Variants in CYRIB observed in about 807,000 individuals in gnomAD.
CYRIB encodes the protein CYFIP-related Rac1 interactor B.
Under a neutral mutation model 44.2 loss-of-function variants are expected in CYRIB, and 8 were observed. That is an observed-to-expected ratio of 0.18 (90% CI 0.11 to 0.33). The LOEUF (loss-of-function observed/expected upper bound fraction) is 0.33, where lower values mean the gene tolerates loss of function less well. CYRIB is among the 10% of genes least tolerant of loss of function. CYRIB has a pLI of 1.00. For synonymous variants in CYRIB, 131 were observed against 127.2 expected, an observed-to-expected ratio of 1.03 and a Z score of -0.20; for missense variants, 185 against 382.8, an observed-to-expected ratio of 0.48 and a Z score of 4.31.
intron 2 of CYRIB, among the ~76,000 whole-genome samples, chr8:129,883,941 C>T (rs2061736139): frequency 6.6e-6 from 1 of 152,180 alleles, no homozygotes; most frequent in South Asian, 2.1e-4. Flanking sequence ...TAACTAGGGG[C>T]TCTGTTCCCA....
chr8:129,891,845 T>G (rs2065559756), intron 2 of CYRIB, among the ~76,000 whole-genome samples: 1 of 152,202 alleles, frequency 6.6e-6, no homozygotes, highest in Admixed American at 6.5e-5. Flanking sequence ...CACTTAGACT[T>G]CATATTATAG....
chr8:129,845,616 T>C (rs980385053), intron 11 of CYRIB, among the ~76,000 whole-genome samples: 1 of 152,252 alleles, frequency 6.6e-6, no homozygotes, highest in Non-Finnish European at 1.5e-5. Flanking sequence ...AAAACTATTT[T>C]TAAACATTTT....
chr8:129,878,388 A>T (rs139395324), intron 3 of CYRIB, among the ~76,000 whole-genome samples: 308 of 152,344 alleles, frequency 2.0e-3, no homozygotes, highest in African/African-American at 6.7e-3. Flanking sequence ...TAAAAACTAA[A>T]TTGAAGTTGG....
chr8:129,999,338 TC>T (rs2133818981), intron 1 of CYRIB, among the ~76,000 whole-genome samples: 2 of 152,228 alleles, frequency 1.3e-5, no homozygotes, highest in East Asian at 3.9e-4. Flanking sequence ...CGTCTCGGGA[TC>T]CCTGTCCACA....
At chr8:129,959,579 A>T (rs184849242) in intron 2 of CYRIB, among the ~76,000 whole-genome samples, 2 of 152,140 alleles carry the variant, frequency 1.3e-5, no homozygotes, top group African/African-American at 4.8e-5. Flanking sequence ...GTTTGAGACC[A>T]GACTGGGCAA....
chr8:129,899,188 A>T (rs2070085359), intron 2 of CYRIB, among the ~76,000 whole-genome samples: 1 of 152,190 alleles, frequency 6.6e-6, no homozygotes, highest in Non-Finnish European at 1.5e-5. Context: ...ATTTTTTAAA[A>T]TACAATTTTA....
At chr8:129,862,546 C>T (rs1234653324) in intron 4 of CYRIB, among the ~76,000 whole-genome samples, 1 of 152,076 alleles carries the variant, frequency 6.6e-6, no homozygotes, top group Admixed American at 6.5e-5. Context: ...TCTCGGCTCT[C>T]TACAACCTCT....
chr8:129,942,902 T>G (rs1188154849), upstream of CYRIB, among the ~76,000 whole-genome samples: 1 of 152,252 alleles, frequency 6.6e-6, no homozygotes, highest in Non-Finnish European at 1.5e-5. Flanking sequence ...ACTTCACAGC[T>G]TCTATGGACA....
intron 1 of CYRIB, among the ~76,000 whole-genome samples, chr8:130,013,438 G>A (rs1476763955): frequency 6.6e-6 from 1 of 152,166 alleles, no homozygotes; most frequent in Non-Finnish European, 1.5e-5. Context: ...AAAAGAGGGG[G>A]CCGAGAGTGT....
At chr8:129,949,293 G>C (rs2094370061) in intron 2 of CYRIB, 1 of 152,122 alleles carries the variant, frequency 6.6e-6, no homozygotes, top group Non-Finnish European at 1.5e-5. Context: ...CTTAGTTTCT[G>C]CCATTATTAC....
chr8:129,965,525 G>A (rs190003780), intron 2 of CYRIB, among the ~76,000 whole-genome samples: 3 of 152,214 alleles, frequency 2.0e-5, no homozygotes, highest in South Asian at 2.1e-4. Flanking sequence ...GGCCGGGCGC[G>A]GTGGCTCACG....
At chr8:130,013,596 C>G (rs1030899630) in intron 1 of CYRIB, among the ~76,000 whole-genome samples, 6 of 152,206 alleles carry the variant, frequency 3.9e-5, no homozygotes, top group Admixed American at 1.3e-4. Context: ...AAGTCCCAGA[C>G]CGCCAAAGCC....
intron 1 of CYRIB, among the ~76,000 whole-genome samples, chr8:130,006,660 A>ATACACATATATATG (rs1564801126): frequency 1.9e-5 from 1 of 51,836 alleles, no homozygotes; most frequent in Non-Finnish European, 3.4e-5. Context: ...ACATATATAT[A>ATACACATATATATG]TGTATATATA....
At chr8:129,985,536 C>T (rs2096424650) in intron 1 of CYRIB, among the ~76,000 whole-genome samples, 1 of 152,092 alleles carries the variant, frequency 6.6e-6, no homozygotes, top group South Asian at 2.1e-4. Context: ...CCCCCACCCC[C>T]CAGAAATAGT....
At chr8:129,983,154 A>G (rs1591722858) in intron 1 of CYRIB, among the ~76,000 whole-genome samples, 1 of 152,152 alleles carries the variant, frequency 6.6e-6, no homozygotes, top group East Asian at 1.9e-4. Context: ...ATTAAAAAAC[A>G]TATAAATAAG....
At chr8:129,850,678 T>C (rs947258881) in intron 9 of CYRIB, 157 bp downstream of exon 11, 1 of 661,704 alleles carries the variant, frequency 1.5e-6, no homozygotes, top group African/African-American at 1.9e-5. Flanking sequence ...AGCCAAATTA[T>C]TTTAAGTTTG....
chr8:129,965,248 C>CTGTGTG (rs3077879), intron 2 of CYRIB, among the ~76,000 whole-genome samples: 8,214 of 148,732 alleles, frequency 0.055, 221 homozygotes, highest in African/African-American at 0.073. Flanking sequence ...CCCCCAGACA[C>CTGTGTG]TGTGTGTGTG....
At chr8:129,941,814 T>C (rs1301208447), upstream of CYRIB, among the ~76,000 whole-genome samples, 1 of 152,206 alleles carries the variant, frequency 6.6e-6, no homozygotes, top group African/African-American at 2.4e-5. Flanking sequence ...TTTCATATTA[T>C]CTTCAACACA....
chr8:129,901,115 G>A (rs1360227200), intron 2 of CYRIB, among the ~76,000 whole-genome samples: 1 of 152,156 alleles, frequency 6.6e-6, no homozygotes, highest in Non-Finnish European at 1.5e-5. Flanking sequence ...CACCACACCT[G>A]GCTAATTTTT....
Sources: gnomAD v4.1 joint callset for allele counts (sites outside exome capture counted in the v4.1 genomes callset) on GRCh38, gnomAD v4.1.1 for gene constraint, MANE v1.5 for transcripts, NCBI Gene and HGNC (gene_info 2026-07-23, HGNC 2026-07-21) for gene names.